WDR17: variants seen among roughly 807,000 people sequenced by gnomAD.
WDR17 encodes the protein WD repeat domain 17, also known as WD repeat-containing protein 17.
A neutral mutation model predicts 161.7 loss-of-function variants in WDR17; 143 were observed. That is an observed-to-expected ratio of 0.88 (90% confidence interval 0.77 to 1.02). WDR17 has a LOEUF of 1.02. Ranked by LOEUF, WDR17 falls within the 50% of genes least tolerant of loss-of-function variation. The pLI is 0.00. For synonymous variants in WDR17, 517 were observed against 515.6 expected (o/e 1.00, Z -0.04); for missense variants, 1,469 against 1,520.9 (o/e 0.97, Z 0.57).
chr4:176,159,898 C>G (rs1393526461), intron 18 of WDR17, 96 bp from the exon 19 acceptor site: 1 of 1,223,578 alleles, frequency 8.2e-7, no homozygotes, highest in African/African-American at 1.5e-5. Context: ...TTTATGAAAT[C>G]TGCTACAAAT....
intron 5 of WDR17, among the ~76,000 whole-genome samples, chr4:176,128,419 A>G (rs71613781): frequency 0.25 from 37,492 of 151,998 alleles, 4,749 homozygotes; most frequent in South Asian, 0.28. Context: ...GGCCTTTCCT[A>G]GAACAAGCAT....
chr4:176,115,869 C>A lies in WDR17; in HGVS notation c.197C>A (p.Ser66Tyr). 6.2e-7 allele frequency: 1 copy of A among 1,611,544 alleles called. No individual in the cohort carries two copies. Among genetic ancestry groups the A allele is most frequent in the Non-Finnish European group, 8.5e-7 (1 of 1,178,448 alleles). The change falls in exon 3 of 29, where the codon TCT becomes TAT. Residue 66 changes from serine to tyrosine, a missense_variant. Physicochemically the swap from Ser to Tyr is moderately radical, Grantham distance 144. Transcript: ENST00000508596. ...SEHKKTITAI[S>Y]WCPHNPDLFA... is the part of the protein sequence containing the mutation. Reference sequence around the variant, plus strand: ...CATAAAAAAACAATCACAGCAATTTCTTGGTGTCCACATAATCCTGATCTG... The same window carrying A: ...CATAAAAAAACAATCACAGCAATTTATTGGTGTCCACATAATCCTGATCTG...
At chr4:176,096,787 A>T (rs1480131061) in intron 1 of WDR17, among the ~76,000 whole-genome samples, 1 of 151,800 alleles carries the variant, frequency 6.6e-6, no homozygotes, top group Admixed American at 6.6e-5. Flanking sequence ...AAGAAAGGGC[A>T]TTTTTTTCTA....
chr4:176,141,388 A>G (rs151143484), intron 10 of WDR17, among the ~76,000 whole-genome samples: 2 of 152,308 alleles, frequency 1.3e-5, no homozygotes, highest in South Asian at 2.1e-4. Flanking sequence ...TTATATGATT[A>G]TGTTTTAAAA....
At position 176,149,920 on chromosome 4, in the gene WDR17, G is replaced by A; in HGVS notation, c.2011G>A (p.Ala671Thr). 2.5e-6 allele frequency: 4 copies of A among 1,613,516 alleles called. No homozygotes were observed. In the East Asian group the frequency reaches 6.7e-5, roughly 27 times the overall value. ...CACTCCTGTACAAATAAATATTCTG[G>A]CAGACAGATCTTGGGAAGAAATTAT... ...LVTPVQINILADRSWEEIIGN... is the reference protein window; with the variant it reads ...LVTPVQINILTDRSWEEIIGN... The change falls in exon 14 of 29, where the codon GCA (alanine) becomes ACA (threonine). Residue 671 changes from alanine to threonine, a missense_variant. Transcript: ENST00000508596.
At chr4:176,148,089 A>G (rs773338078) in intron 12 of WDR17, 44 bp from the exon 13 acceptor site, 17 of 1,549,216 alleles carry the variant, frequency 1.1e-5, no homozygotes, top group Non-Finnish European at 1.5e-5. Flanking sequence ...CTCTAGATAC[A>G]TTATAACTTG....
At chr4:176,100,924 A>G (rs1012592073) in intron 1 of WDR17, among the ~76,000 whole-genome samples, 14 of 151,966 alleles carry the variant, frequency 9.2e-5, no homozygotes, top group Admixed American at 2.0e-4. Context: ...TGGGATCTCT[A>G]TTCTCTTCCA....
In WDR17 at chr4:176,090,883, AG is replaced by A. The variant is rs759884382; in HGVS notation, c.-6-20689del. 1.4e-4 allele frequency among the ~76,000 whole-genome samples: 22 copies of A among 152,322 alleles called. No homozygotes were observed. In the East Asian group the frequency reaches 4.0e-3, roughly 28 times the overall value. ...GAAACAAAGGGATGGGCTGAAATAA[AG>A]GGATGGGCTCTGGCTAGTTATCTGC... On this transcript the variant is annotated intron_variant, in intron 1 of 28. Coordinates refer to ENST00000508596, the MANE Select transcript of WDR17 (RefSeq NM_181265.4).
chr4:176,134,010 G>T (rs1038498393), intron 7 of WDR17, among the ~76,000 whole-genome samples: 2 of 151,732 alleles, frequency 1.3e-5, no homozygotes, highest in Non-Finnish European at 3.0e-5. Flanking sequence ...AAAACTGCAT[G>T]TAAGTCCCTG....
At chr4:176,107,538 A>G (rs1411043366) in intron 1 of WDR17, among the ~76,000 whole-genome samples, 1 of 151,644 alleles carries the variant, frequency 6.6e-6, no homozygotes, top group Non-Finnish European at 1.5e-5. Flanking sequence ...TCCAGGCGAC[A>G]AATCACAGAC....
At chr4:176,140,727 T>A (rs1745125910) in intron 10 of WDR17, among the ~76,000 whole-genome samples, 1 of 152,162 alleles carries the variant, frequency 6.6e-6, no homozygotes, top group South Asian at 2.1e-4. Context: ...ATCCTCACTT[T>A]TTAATTTCAG....
At chr4:176,099,193 A>G (rs1187753659) in intron 1 of WDR17, among the ~76,000 whole-genome samples, 6 of 152,110 alleles carry the variant, frequency 3.9e-5, no homozygotes, top group Admixed American at 6.6e-5. Context: ...AAACTCAACA[A>G]CTCTTCCTAG....
chr4:176,167,865 G>T (rs565837673), intron 22 of WDR17, among the ~76,000 whole-genome samples: 1 of 151,946 alleles, frequency 6.6e-6, no homozygotes, highest in South Asian at 2.1e-4. Flanking sequence ...TAAGTAAATA[G>T]GCCGGTCTCG....
chr4:176,091,740 C>G (rs960744047), intron 1 of WDR17, among the ~76,000 whole-genome samples: 1 of 151,668 alleles, frequency 6.6e-6, no homozygotes, highest in Non-Finnish European at 1.5e-5. Flanking sequence ...GTAAGCCAGA[C>G]TAATAATAAA....
intron 10 of WDR17, among the ~76,000 whole-genome samples, chr4:176,140,712 T>G (rs1380279529): frequency 6.6e-6 from 1 of 152,158 alleles, no homozygotes; most frequent in Non-Finnish European, 1.5e-5. Flanking sequence ...CACTCCAGTC[T>G]TCTCATCCTC....
chr4:176,163,090 G>A, intron 21 of WDR17, 64 bp from the exon 22 acceptor site: 1 of 1,591,902 alleles, frequency 6.3e-7, no homozygotes, highest in East Asian at 2.2e-5. Flanking sequence ...TATGAGCTTG[G>A]AGGGGAATGA....
chr4:176,103,543 T>C (rs1256216088), intron 1 of WDR17, among the ~76,000 whole-genome samples: 13 of 151,556 alleles, frequency 8.6e-5, no homozygotes, highest in Middle Eastern at 3.4e-3. Context: ...AAAGGAGATA[T>C]GGAGAAAGTC....
chr4:176,077,681 A>C (rs904376778), intron 1 of WDR17, among the ~76,000 whole-genome samples: 1 of 152,132 alleles, frequency 6.6e-6, no homozygotes, highest in African/African-American at 2.4e-5. Context: ...CTTAAAAAAA[A>C]ATCTAAGGAT....
chr4:176,092,361 G>GATTCAATTTCTAA (rs148796336), intron 1 of WDR17, among the ~76,000 whole-genome samples: 1 of 152,056 alleles, frequency 6.6e-6, no homozygotes, highest in Admixed American at 6.6e-5. Context: ...CATTTCAATT[G>GATTCAATTTCTAA]ATGCTGAAAA....
Sources: allele counts gnomAD v4.1 joint callset (sites outside exome capture counted in the v4.1 genomes callset), GRCh38; gene constraint gnomAD v4.1.1; transcripts MANE v1.5; gene names NCBI Gene and HGNC (gene_info 2026-07-23, HGNC 2026-07-21).